IMPG1: variants seen among roughly 807,000 people sequenced by gnomAD.
IMPG1 encodes interphotoreceptor matrix proteoglycan 1.
A neutral mutation model predicts 92.0 loss-of-function variants in IMPG1; 85 were observed. The ratio of observed to expected loss-of-function variants is 0.92; its 90% CI spans 0.78 to 1.11. IMPG1 has a LOEUF of 1.11. Ranked by LOEUF, IMPG1 falls within the 50% of genes least tolerant of loss-of-function variation. The probability of loss-of-function intolerance (pLI) is 0.00; values close to 1 mark genes in which losing one functional copy is unlikely to be tolerated. For missense variants in IMPG1, 1,022 were observed against 956.0 expected (o/e 1.07, Z -0.91); for synonymous variants, 367 against 334.1 (o/e 1.10, Z -1.08).
intron 4 of IMPG1, among the ~76,000 whole-genome samples, chr6:76,033,692 G>T (rs948825825): frequency 6.6e-6 from 1 of 152,166 alleles, no homozygotes; most frequent in Non-Finnish European, 1.5e-5. Context: ...GTCTCTCTTT[G>T]TAGTATTATC....
chr6:75,933,641 G>A (rs1781696882), intron 14 of IMPG1, among the ~76,000 whole-genome samples: 1 of 152,188 alleles, frequency 6.6e-6, no homozygotes, highest in African/African-American at 2.4e-5. Flanking sequence ...CAGAGGTCCG[G>A]GCCTAGTCTA....
chr6:75,923,595 G>C (rs748434351), intron 16 of IMPG1, 39 bp downstream of exon 16: 2 of 949,404 alleles, frequency 2.1e-6, no homozygotes, highest in Non-Finnish European at 3.4e-6. Context: ...CAAAAGTCAA[G>C]TTTAGTAATT....
chr6:75,924,162 T>C (rs895669707), intron 15 of IMPG1, among the ~76,000 whole-genome samples: 2 of 151,474 alleles, frequency 1.3e-5, no homozygotes, highest in African/African-American at 4.9e-5. Flanking sequence ...AAATTAGTAG[T>C]CATTATGGAA....
rs140728699 is a variant in IMPG1 at position 75,955,128 on chromosome 6, G to C, written c.1292-4034C>G. Among the ~76,000 whole-genome samples, 960 of 152,016 alleles carry C rather than the reference G, an allele frequency of 6.3e-3. 8 individuals carry two copies. The highest frequency in any genetic ancestry group is 0.017 in the Middle Eastern group (5 of 294). ...TTTGGTCCCATATGAAATTTAAAGTGTTTTTTTCTAATTCTGTGAAGAAAG... is the reference window on the plus strand; with the variant it reads ...TTTGGTCCCATATGAAATTTAAAGTCTTTTTTTCTAATTCTGTGAAGAAAG... On this transcript the variant is annotated intron_variant, in intron 12 of 16. Transcript: ENST00000369950.
intron 12 of IMPG1, among the ~76,000 whole-genome samples, chr6:75,961,671 A>G (rs1782214110): frequency 6.6e-6 from 1 of 152,178 alleles, no homozygotes; most frequent in African/African-American, 2.4e-5. Flanking sequence ...TGAGAATATA[A>G]TATTTGAGAA....
At chr6:76,032,782 G>A (rs1783672632) in intron 4 of IMPG1, among the ~76,000 whole-genome samples, 1 of 152,078 alleles carries the variant, frequency 6.6e-6, no homozygotes, top group Non-Finnish European at 1.5e-5. Context: ...CAAGCAAGAG[G>A]GAAAGGCTAG....
At chr6:75,941,926 G>A (rs1781841645) in intron 14 of IMPG1, among the ~76,000 whole-genome samples, 1 of 152,120 alleles carries the variant, frequency 6.6e-6, no homozygotes, top group Admixed American at 6.5e-5. Context: ...ATAAGGGTTA[G>A]GGGAGGCAGG....
intron 1 of IMPG1, among the ~76,000 whole-genome samples, chr6:76,053,783 A>G (rs1489296811): frequency 1.3e-5 from 2 of 152,058 alleles, no homozygotes; most frequent in Non-Finnish European, 2.9e-5. Context: ...AATTTTACAA[A>G]CCACACACTA....
chr6:75,983,206 C>G (rs1782657919), intron 12 of IMPG1, among the ~76,000 whole-genome samples: 1 of 151,514 alleles, frequency 6.6e-6, no homozygotes, highest in Non-Finnish European at 1.5e-5. Flanking sequence ...CAATAAAATA[C>G]TAAGCAATAT....
At chr6:76,033,718 C>T (rs528912352) in intron 4 of IMPG1, among the ~76,000 whole-genome samples, 1 of 152,308 alleles carries the variant, frequency 6.6e-6, no homozygotes, top group South Asian at 2.1e-4. Flanking sequence ...ATTTAGACTT[C>T]TAAATGTCAT....
At position 76,005,489 on chromosome 6, in the gene IMPG1, G is replaced by A; in HGVS notation, c.933C>T (p.His311=). ...EMQLTAIFKR[H]SAEAKSPASD... is the part of the protein sequence containing the mutation. ...TTGCAGGGCTTTTTGCTTCTGCACT[G>A]TGTCTCTTAAAGATGGCCGTAAGTT... The change falls in exon 10 of 17, where the codon CAC becomes CAT. Residue 311 remains histidine (H), a synonymous_variant. Transcript: ENST00000369950. The A allele has an allele frequency of 6.2e-7, 1 of 1,613,846 alleles. No individual in the cohort carries two copies.
intron 14 of IMPG1, among the ~76,000 whole-genome samples, chr6:75,942,114 C>A (rs1011274684): frequency 6.6e-6 from 1 of 152,138 alleles, no homozygotes; most frequent in Non-Finnish European, 1.5e-5. Context: ...GTTGACTATC[C>A]TGGCTGGGAA....
intron 7 of IMPG1, among the ~76,000 whole-genome samples, chr6:76,015,113 A>T (rs1476530042): frequency 6.6e-6 from 1 of 152,224 alleles, no homozygotes; most frequent in Non-Finnish European, 1.5e-5. Flanking sequence ...AGCTGTGTTG[A>T]GTTTTCATGA....
chr6:76,011,743 T>A (rs1427845666), intron 7 of IMPG1, among the ~76,000 whole-genome samples: 2 of 55,590 alleles, frequency 3.6e-5, no homozygotes, highest in Non-Finnish European at 3.2e-5. Flanking sequence ...CCCTCCCCCC[T>A]CCCCACCACA....
intron 12 of IMPG1, among the ~76,000 whole-genome samples, chr6:75,974,595 G>A (rs183552429): frequency 2.7e-5 from 4 of 150,434 alleles, no homozygotes; most frequent in African/African-American, 9.8e-5. Flanking sequence ...TCAGCCTCCC[G>A]AGTAGCTGGG....
Position 76,022,364 on chromosome 6 carries a change from G to A in IMPG1, c.563-145C>T, listed in dbSNP as rs147700545. 851 of 445,250 alleles carry A rather than the reference G, an allele frequency of 1.9e-3. 6 individuals carry two copies. Among genetic ancestry groups the A allele is most frequent in the African/African-American group, 0.015 (760 of 49,230 alleles). The allele number at this position is 445,250 out of a possible 1,614,324, so 27.6% of individuals were successfully genotyped here. ...TCTGAACTCATCTTTTTAAGATCAC[G>A]TAAATATGTTCTTGAAAAAATATGA... On this transcript the variant is annotated intron_variant, in intron 5 of 16. Transcript: ENST00000369950.
At chr6:76,070,187 CA>C (rs1784382256) in intron 1 of IMPG1, among the ~76,000 whole-genome samples, 1 of 152,062 alleles carries the variant, frequency 6.6e-6, no homozygotes. Context: ...AGATATTTTG[CA>C]AAAGGAGACA....
intron 7 of IMPG1, among the ~76,000 whole-genome samples, chr6:76,018,326 A>G (rs1012293912): frequency 1.3e-5 from 2 of 152,382 alleles, no homozygotes; most frequent in Non-Finnish European, 2.9e-5. Flanking sequence ...TCTCAATATA[A>G]TGCCTATGTG....
chr6:76,011,255 C>G (rs979456190), intron 7 of IMPG1, 31 bp from the exon 8 acceptor site: 1 of 1,235,682 alleles, frequency 8.1e-7, no homozygotes, highest in Non-Finnish European at 1.2e-6. Flanking sequence ...GTAAAATACT[C>G]TTTGGTTCTG....
Sources: allele counts gnomAD v4.1 joint callset (sites outside exome capture counted in the v4.1 genomes callset), GRCh38; gene constraint gnomAD v4.1.1; transcripts MANE v1.5; gene names NCBI Gene and HGNC (gene_info 2026-07-23, HGNC 2026-07-21).